IRX1: variants seen among roughly 807,000 people sequenced by gnomAD.
The protein encoded by IRX1 is iroquois-class homeodomain protein IRX-1.
In IRX1, 22 loss-of-function variants were observed where a neutral mutation model predicts 34.1. The observed-to-expected ratio is 0.64, with a 90% CI of 0.46 to 0.92. The LOEUF (loss-of-function observed/expected upper bound fraction) is 0.92. Ranked by LOEUF, IRX1 falls within the 40% of genes least tolerant of loss-of-function variation. The pLI is 0.00. For synonymous variants in IRX1, 363 were observed against 319.0 expected, an observed-to-expected ratio of 1.14 and a Z score of -1.47; for missense variants, 758 against 680.0, an observed-to-expected ratio of 1.11 and a Z score of -1.28.
Position 3,596,048 on chromosome 5 carries a change from G to A in IRX1, c.-58G>A. On this transcript the variant is annotated 5_prime_UTR_variant, in exon 1 of 4. Transcript: ENST00000302006. ...CTGCAACCCCCTCCGGCCGGCCTCC[G>A]CCTCCCTCCCCGCGCCTTTAATACT... 2.0e-6 allele frequency: 2 copies of A among 1,016,296 alleles called. No individual in the cohort carries two copies. The highest frequency in any genetic ancestry group is 2.4e-6 in the Non-Finnish European group (2 of 847,676). The allele number at this position is 1,016,296 out of a possible 1,614,324, so 63.0% of individuals were successfully genotyped here.
rs1273932557 is a variant in IRX1, at chr5:3,600,056, A to G, written c.1108A>G (p.Lys370Glu). 12 of 1,606,144 alleles carry G rather than the reference A, an allele frequency of 7.5e-6. No homozygotes were observed. Among genetic ancestry groups the G allele is most frequent in the Non-Finnish European group, 1.0e-5 (12 of 1,175,356 alleles). Reference sequence around the variant, plus strand: ...CGGACTGTACACCTGCCACATCGGCAAGTTCTCCAACTGGACCAACAGCGC... The same window carrying G: ...CGGACTGTACACCTGCCACATCGGCGAGTTCTCCAACTGGACCAACAGCGC... ...SHGLYTCHIG[K>E]FSNWTNSAFL... The change falls in exon 2 of 4, where the codon AAG (lysine) becomes GAG (glutamate). Residue 370 changes from lysine to glutamate, a missense_variant. Lys to Glu is a moderately conservative substitution (Grantham distance 56). Coordinates refer to ENST00000302006, the MANE Select transcript of IRX1 (RefSeq NM_024337.4).
In IRX1 at chr5:3,600,770, C is replaced by A. The variant is rs546684934; in HGVS notation, c.1385+89C>A. On this transcript the variant is annotated intron_variant, in intron 3 of 3. Transcript: ENST00000302006. ...GACCCGGGCGGAGCTGGCTGGGTGG[C>A]GGTGGGGGTCGCGCAGTCCTAGTTG... 384 of 1,281,562 alleles carry A rather than the reference C, an allele frequency of 3.0e-4. 1 individual carries two copies. In the African/African-American group the frequency reaches 5.2e-3, roughly 17 times the overall value. 79.4% of individuals were successfully genotyped at this position (1,281,562 alleles called of 1,614,324 possible).
rs1338860411 is a variant in IRX1 at position 3,601,178 on chromosome 5, C to T, written c.*138C>T. ...AACGACGTCAAGGACTCGCATCCGT[C>T]GCTTTCTGCAGAAAGGGGCTTCTTC... is the stretch of plus-strand genomic sequence containing the variant. On this transcript the variant is annotated 3_prime_UTR_variant, in exon 4 of 4. Coordinates refer to ENST00000302006, the MANE Select transcript of IRX1 (RefSeq NM_024337.4). 4.7e-6 allele frequency: 4 copies of T among 844,914 alleles called. No individual in the cohort carries two copies. Among genetic ancestry groups the T allele is most frequent in the East Asian group, 2.7e-5 (1 of 37,240 alleles). The allele number at this position is 844,914 out of a possible 1,614,324, so 52.3% of individuals were successfully genotyped here.
In IRX1 at chr5:3,596,398, T is replaced by A. The variant is rs568438349; in HGVS notation, c.276+17T>A. ...TCGCAGATGGTGAGTGCGCCCGGCC[T>A]CCCCCGCTTCTCCTCTGTCTCACCC... On this transcript the variant is annotated intron_variant, in intron 1 of 3. Coordinates refer to ENST00000302006, the MANE Select transcript of IRX1 (RefSeq NM_024337.4). 1.9e-5 allele frequency: 28 copies of A among 1,491,642 alleles called. No individual in the cohort carries two copies. In the East Asian group the frequency reaches 7.0e-4, roughly 37 times the overall value. The allele number at this position is 1,491,642 out of a possible 1,614,324, so 92.4% of individuals were successfully genotyped here.
Position 3,600,014 on chromosome 5 carries a change from G to T in IRX1, c.1066G>T (p.Ala356Ser), listed in dbSNP as rs754557120. The T allele has an allele frequency of 6.5e-7, 1 of 1,545,604 alleles. No homozygotes were observed. Among genetic ancestry groups the T allele is most frequent in the East Asian group, 2.4e-5 (1 of 41,938 alleles). The change falls in exon 2 of 4, where the codon GCC (alanine) becomes TCC (serine). Residue 356 changes from alanine (A) to serine (S), a missense_variant. Ala to Ser is a moderately conservative substitution (Grantham distance 99, BLOSUM62 1). Around this residue, in one of 3 missense-constraint regions of IRX1, gnomAD observed 529 missense variants for 418.8 expected, o/e 1.26. Transcript: ENST00000302006. Reference protein sequence around the residue: ...PSAGAPLQHPAFLPSHGLYTC... With the variant: ...PSAGAPLQHPSFLPSHGLYTC... ...CGCCGGGGCGCCGCTGCAACACCCCGCCTTCCTGCCTAGCCACGGACTGTA... is the reference window on the plus strand; with the variant it reads ...CGCCGGGGCGCCGCTGCAACACCCCTCCTTCCTGCCTAGCCACGGACTGTA...
chr5:3,599,922 G>A lies in IRX1; in HGVS notation c.974G>A (p.Ser325Asn), dbSNP rs757227008. 2 of 1,485,462 alleles carry A rather than the reference G, an allele frequency of 1.3e-6. No individual in the cohort carries two copies. Among genetic ancestry groups the A allele is most frequent in the Non-Finnish European group, 1.8e-6 (2 of 1,116,448 alleles). 92.0% of individuals were successfully genotyped at this position (1,485,462 alleles called of 1,614,324 possible). ...KIWSLAETAT[S>N]PDGAPKASPP... ...TGGTCGCTGGCGGAGACAGCCACGAGCCCCGACGGTGCGCCCAAGGCTTCG... is the reference window on the plus strand; with the variant it reads ...TGGTCGCTGGCGGAGACAGCCACGAACCCCGACGGTGCGCCCAAGGCTTCG... The change falls in exon 2 of 4, where the codon AGC becomes AAC. Residue 325 changes from serine (S) to asparagine (N), a missense_variant. Around this residue, in one of 3 missense-constraint regions of IRX1, gnomAD observed 529 missense variants for 418.8 expected, o/e 1.26. Coordinates refer to ENST00000302006, the MANE Select transcript of IRX1 (RefSeq NM_024337.4). This position sits in a 1 kb window ranked among gnomAD's most constrained non-coding sequence, Gnocchi z 6.6.
chr5:3,597,963 C>T (rs1395771950), intron 1 of IRX1, among the ~76,000 whole-genome samples: 2 of 152,128 alleles, frequency 1.3e-5, no homozygotes, highest in Non-Finnish European at 2.9e-5. Flanking sequence ...AGTGTGAGGA[C>T]CTGCACCCTT....
Position 3,600,189 on chromosome 5 carries a change from C to T in IRX1, c.1241C>T (p.Pro414Leu), listed in dbSNP as rs1315759744. 10 of 1,612,190 alleles carry T rather than the reference C, an allele frequency of 6.2e-6. No individual in the cohort carries two copies. In the African/African-American group the frequency reaches 6.7e-5, roughly 11 times the overall value. ...PHLPAPPPPQ[P>L]PVAIAPGALN... Reference sequence around the variant, plus strand: ...CTTCCTGCACCTCCACCACCGCAGCCGCCGGTCGCTATTGCCCCGGGGGCA... The same window carrying T: ...CTTCCTGCACCTCCACCACCGCAGCTGCCGGTCGCTATTGCCCCGGGGGCA... The change falls in exon 2 of 4, where the codon CCG (proline) becomes CTG (leucine). Residue 414 changes from proline (P) to leucine (L), a missense_variant. Transcript: ENST00000302006.
At chr5:3,600,728 G>C (rs1355932470) in intron 3 of IRX1, 47 bp downstream of exon 3, 1 of 1,550,178 alleles carries the variant, frequency 6.5e-7, no homozygotes, top group Non-Finnish European at 8.9e-7. Context: ...TGGGGAGGGG[G>C]GAGGAGGAGT....
rs150002900 is a variant in IRX1, at chr5:3,597,114, G to C, written c.276+733G>C. Among the ~76,000 whole-genome samples the C allele has an allele frequency of 1.2e-3, 183 of 152,298 alleles. 1 individual carries two copies. The highest frequency in any genetic ancestry group is 3.8e-3 in the African/African-American group (158 of 41,560). ...CAGAAAGAAAAGCACTTTTCTTCCT[G>C]CGTTACATAATGGAGGATTAAAGAA... is the stretch of plus-strand genomic sequence containing the variant. On this transcript the variant is annotated intron_variant, in intron 1 of 3. Transcript: ENST00000302006.
At chr5:3,598,806 T>C (rs1733863690) in intron 1 of IRX1, among the ~76,000 whole-genome samples, 1 of 152,202 alleles carries the variant, frequency 6.6e-6, no homozygotes, top group Admixed American at 6.5e-5. Flanking sequence ...GAAAGGTTTT[T>C]CCCTCTAGCT....
rs759260211 is a variant in IRX1, at chr5:3,599,737, G to A, written c.789G>A (p.Arg263=). Residue 263 remains arginine, a synonymous_variant, in exon 2 of 4, where the codon CGG becomes CGA. Coordinates refer to ENST00000302006, the MANE Select transcript of IRX1 (RefSeq NM_024337.4). This position sits in a 1 kb window ranked among gnomAD's most constrained non-coding sequence, Gnocchi z 6.6. ...CCGCAGCCCCTTCTGCTCTTGCCCG[G>A]GACCAAGGCTCGCCGCTGGCAGCAG... The part of the protein sequence containing the change: ...HAPAAPSALA[R]DQGSPLAAAD... 1.9e-6 allele frequency: 3 copies of A among 1,611,678 alleles called. No homozygotes were observed. Among genetic ancestry groups the A allele is most frequent in the Non-Finnish European group, 2.5e-6 (3 of 1,179,670 alleles).
Position 3,596,028 on chromosome 5 carries a change from AC to A in IRX1, c.-73del, listed in dbSNP as rs1743680521. Reference sequence around the variant, plus strand: ...TAGACCCCTCGCGGCGCCCCCTGCAACCCCCTCCGGCCGGCCTCCGCCTCCC... The same window carrying A: ...TAGACCCCTCGCGGCGCCCCCTGCAACCCCTCCGGCCGGCCTCCGCCTCCC... On this transcript the variant is annotated 5_prime_UTR_variant, in exon 1 of 4. Transcript: ENST00000302006. 1 of 941,636 alleles carries A rather than the reference AC, an allele frequency of 1.1e-6. No individual in the cohort carries two copies. Among genetic ancestry groups the A allele is most frequent in the Non-Finnish European group, 1.3e-6 (1 of 787,630 alleles). 58.3% of individuals were successfully genotyped at this position (941,636 alleles called of 1,614,324 possible).
At position 3,596,172 on chromosome 5, in the gene IRX1, G is replaced by A. The variant is rs1360296718; in HGVS notation, c.67G>A (p.Glu23Lys). The A allele has an allele frequency of 3.1e-5, 32 of 1,027,332 alleles. No individual in the cohort carries two copies. The highest frequency in any genetic ancestry group is 3.7e-5 in the Non-Finnish European group (32 of 859,360). 63.6% of individuals were successfully genotyped at this position (1,027,332 alleles called of 1,614,324 possible). A position where few individuals can be genotyped will look rare whatever the true frequency, so the allele number is the denominator to read the frequency against. Reference sequence around the variant, plus strand: ...CGCGGGGCCGGGCGCCTACGGCGGCGAGCGCCCGGGGGTGCTGGCCGCGGC... The same window carrying A: ...CGCGGGGCCGGGCGCCTACGGCGGCAAGCGCCCGGGGGTGCTGGCCGCGGC... The part of the protein sequence containing the change: ...SAAGPGAYGG[E>K]RPGVLAAAAA... Residue 23 changes from glutamate (E) to lysine (K), a missense_variant, in exon 1 of 4, where the codon GAG (glutamate) becomes AAG (lysine). Physicochemically the swap from Glu to Lys is moderately conservative, Grantham distance 56. Transcript: ENST00000302006.
chr5:3,597,594 A>T (rs894342582), intron 1 of IRX1, among the ~76,000 whole-genome samples: 1 of 152,196 alleles, frequency 6.6e-6, no homozygotes, highest in Non-Finnish European at 1.5e-5. Context: ...GGAGGCCGGG[A>T]CGCGATGAGA....
rs1025666852 is a variant in IRX1, at chr5:3,595,894, C to A, written c.-212C>A. On this transcript the variant is annotated 5_prime_UTR_variant, in exon 1 of 4. Transcript: ENST00000302006. ...CCGCAGTCGGCGCGCGATTGCGGAT[C>A]CGGGCGCAGCCGGGAGCCGGGCGCC... 2.0e-5 allele frequency among the ~76,000 whole-genome samples: 3 copies of A among 150,940 alleles called. No individual in the cohort carries two copies. Among genetic ancestry groups the A allele is most frequent in the African/African-American group, 7.3e-5 (3 of 41,306 alleles).
In IRX1 at chr5:3,600,207, C is replaced by CG. The variant is rs1561025275; in HGVS notation, c.1264dup (p.Ala422GlyfsTer85). 1 of 1,610,754 alleles carries CG rather than the reference C, an allele frequency of 6.2e-7. No homozygotes were observed. Among genetic ancestry groups the CG allele is most frequent in the Non-Finnish European group, 8.5e-7 (1 of 1,179,092 alleles). On this transcript the variant is annotated frameshift_variant, in exon 2 of 4. Coordinates refer to ENST00000302006, the MANE Select transcript of IRX1 (RefSeq NM_024337.4). LOFTEE classifies it high-confidence loss of function. ...CCGCAGCCGCCGGTCGCTATTGCCC[C>CG]GGGGGCACTCAATGGAGACAAGGCC...
intron 2 of IRX1, 117 bp from the exon 3 acceptor site, chr5:3,600,492 G>T: frequency 1.0e-6 from 1 of 993,268 alleles, no homozygotes; most frequent in South Asian, 1.6e-5. Flanking sequence ...GTGGGGTGAG[G>T]GGTGACGTTT....
rs1163919359 is a variant in IRX1 at position 3,596,332 on chromosome 5, A to G, written c.227A>G (p.Tyr76Cys). 4 of 1,527,346 alleles carry G rather than the reference A, an allele frequency of 2.6e-6. No homozygotes were observed. The allele number at this position is 1,527,346 out of a possible 1,614,324, so 94.6% of individuals were successfully genotyped here. A position where few individuals can be genotyped will look rare whatever the true frequency, so the allele number is the denominator to read the frequency against. ...AAGPYAGAPN[Y>C]SAFLPYAADL... The stretch of plus-strand genomic sequence containing the variant: ...GGGCCGTACGCGGGCGCGCCCAACT[A>G]CAGCGCCTTCCTGCCCTACGCCGCG... The change falls in exon 1 of 4, where the codon TAC (tyrosine) becomes TGC (cysteine). Residue 76 changes from tyrosine (Y) to cysteine (C), a missense_variant. Around this residue, in one of 3 missense-constraint regions of IRX1, gnomAD observed 195 missense variants for 195.0 expected, o/e 1.00. Transcript: ENST00000302006.
Sources: gnomAD v4.1 joint callset for allele counts (sites outside exome capture counted in the v4.1 genomes callset) on GRCh38, gnomAD v4.1.1 for gene constraint, gnomAD v4.1.1 regional missense constraint, Gnocchi (gnomAD v3.1) non-coding constraint, MANE v1.5 for transcripts, NCBI Gene and HGNC (gene_info 2026-07-23, HGNC 2026-07-21) for gene names.